EBPL: variants seen among roughly 807,000 people sequenced by gnomAD.
EBPL encodes the protein EBP like.
EBPL carries 20 observed loss-of-function variants against 19.0 expected under a neutral mutation model. The ratio of observed to expected loss-of-function variants is 1.05; its 90% CI spans 0.74 to 1.53. EBPL has a LOEUF of 1.53. EBPL is among the 40% of genes most tolerant of loss of function. The pLI is 0.00. For synonymous variants in EBPL, 107 were observed against 117.0 expected (o/e 0.91, Z 0.55); for missense variants, 219 against 261.1 (o/e 0.84, Z 1.11).
chr13:49,680,844 C>CA (rs1953934874), intron 1 of EBPL, among the ~76,000 whole-genome samples: 2 of 151,656 alleles, frequency 1.3e-5, no homozygotes, highest in Non-Finnish European at 2.9e-5. Context: ...AAATACAAAA[C>CA]AAACAAAAAA....
intron 2 of EBPL, among the ~76,000 whole-genome samples, chr13:49,665,328 A>G (rs1363274203): frequency 2.0e-5 from 3 of 152,120 alleles, no homozygotes; most frequent in African/African-American, 7.2e-5. Context: ...CTGGAGTGCA[A>G]TGGCCAGATC....
chr13:49,679,214 C>G (rs1031241494), intron 1 of EBPL, among the ~76,000 whole-genome samples: 4 of 152,094 alleles, frequency 2.6e-5, no homozygotes, highest in African/African-American at 9.7e-5. Context: ...TCTTTCTTCT[C>G]CCTTAAAATT....
intron 2 of EBPL, among the ~76,000 whole-genome samples, chr13:49,667,976 G>A (rs1258621067): frequency 6.6e-6 from 1 of 152,206 alleles, no homozygotes; most frequent in Non-Finnish European, 1.5e-5. Context: ...CAGCAGGGAG[G>A]AGCCATGACT....
intron 3 of EBPL, chr13:49,662,054 C>A: frequency 1.2e-6 from 1 of 856,154 alleles, no homozygotes; most frequent in Admixed American, 2.1e-5. Flanking sequence ...AGTGCAGTGG[C>A]ACGAACGTGG....
At chr13:49,685,612 C>T (rs985809005) in intron 1 of EBPL, among the ~76,000 whole-genome samples, 4 of 152,138 alleles carry the variant, frequency 2.6e-5, no homozygotes, top group African/African-American at 7.2e-5. Flanking sequence ...TGGTGGCTCA[C>T]GCCTGTAATC....
chr13:49,684,763 G>A (rs1170713959), intron 1 of EBPL, among the ~76,000 whole-genome samples: 2 of 152,168 alleles, frequency 1.3e-5, no homozygotes, highest in African/African-American at 4.8e-5. Context: ...TTAAGAGACT[G>A]TAACAGAAGA....
At position 49,664,097 on chromosome 13, in the gene EBPL, C is replaced by G. The variant is rs552576138; in HGVS notation, c.242-902G>C. On this transcript the variant is annotated intron_variant, in intron 2 of 3. Transcript: ENST00000242827. ...CGAAACCGTGTCTCTACTAAAAATA[C>G]AAAAAGTAGCTGGGCGTGGTGGCGC... is the stretch of plus-strand genomic sequence containing the variant. Among the ~76,000 whole-genome samples the G allele has an allele frequency of 2.6e-5, 4 of 152,120 alleles. No homozygotes were observed. The East Asian group carries it at 7.7e-4, about 29-fold the overall frequency.
chr13:49,688,473 A>C (rs1018098356), intron 1 of EBPL, among the ~76,000 whole-genome samples: 1 of 152,158 alleles, frequency 6.6e-6, no homozygotes, highest in African/African-American at 2.4e-5. Context: ...TAATCCCAGC[A>C]CTTTGGAAGG....
intron 1 of EBPL, among the ~76,000 whole-genome samples, chr13:49,678,148 C>T (rs1402252281): frequency 6.6e-6 from 1 of 152,216 alleles, no homozygotes; most frequent in Non-Finnish European, 1.5e-5. Context: ...TGACAGGGTG[C>T]TGTTTGGTGC....
chr13:49,668,572 G>GA (rs562724684), intron 2 of EBPL: 4,872 of 320,154 alleles, frequency 0.015, 1 homozygote, highest in South Asian at 0.025. Context: ...AGACTCGCCT[G>GA]AAAAAAAAAA....
At position 49,661,045 on chromosome 13, in the gene EBPL, G is replaced by T. The variant is rs753503039; in HGVS notation, c.544C>A (p.Leu182Met). 1 of 1,614,130 alleles carries T rather than the reference G, an allele frequency of 6.2e-7. No homozygotes were observed. The change falls in exon 4 of 4, where the codon CTG becomes ATG. Residue 182 changes from leucine (L) to methionine (M), a missense_variant. Leu to Met is a conservative substitution (Grantham distance 15). Around this residue, in one of 2 missense-constraint regions of EBPL, gnomAD observed 49 missense variants for 94.1 expected, o/e 0.52. Transcript: ENST00000242827. The part of the protein sequence containing the change: ...FNGVWVLIPG[L>M]LLWQSWLELK... ...TCTAGCCATGACTGCCACAGTAGCA[G>T]TCCTGGGATCAGAACCCACACACCG...
chr13:49,684,751 CTT>C (rs1953980014), intron 1 of EBPL, among the ~76,000 whole-genome samples: 1 of 152,120 alleles, frequency 6.6e-6, no homozygotes, highest in South Asian at 2.1e-4. Flanking sequence ...TTGAAATAAA[CTT>C]TAAGAGACTG....
At chr13:49,669,747 T>A (rs377076298) in intron 2 of EBPL, 30 bp downstream of exon 2, 1 of 1,604,752 alleles carries the variant, frequency 6.2e-7, no homozygotes, top group Non-Finnish European at 8.5e-7. Flanking sequence ...TCCTCCAACA[T>A]TTCAAACGCA....
At chr13:49,670,974 A>G (rs1953809814) in intron 1 of EBPL, among the ~76,000 whole-genome samples, 1 of 152,128 alleles carries the variant, frequency 6.6e-6, no homozygotes, top group Non-Finnish European at 1.5e-5. Context: ...TCCCTGTTTT[A>G]TCTGTAACTG....
chr13:49,678,675 C>T (rs1429477526), intron 1 of EBPL, among the ~76,000 whole-genome samples: 1 of 151,996 alleles, frequency 6.6e-6, no homozygotes, highest in Non-Finnish European at 1.5e-5. Flanking sequence ...CCACACCTCT[C>T]CACAAGCAAA....
intron 2 of EBPL, among the ~76,000 whole-genome samples, chr13:49,664,012 G>C (rs1427981356): frequency 2.0e-5 from 3 of 152,214 alleles, no homozygotes; most frequent in Admixed American, 1.3e-4. Context: ...AGCACTTTGG[G>C]AGGCCAAGGT....
chr13:49,689,871 C>G (rs945967295), intron 1 of EBPL, among the ~76,000 whole-genome samples: 1 of 152,032 alleles, frequency 6.6e-6, no homozygotes, highest in South Asian at 2.1e-4. Flanking sequence ...CGGCTGGTGG[C>G]GGTGGCGGTG....
intron 2 of EBPL, among the ~76,000 whole-genome samples, chr13:49,669,318 A>G (rs1232993491): frequency 1.3e-5 from 2 of 152,158 alleles, no homozygotes; most frequent in Non-Finnish European, 2.9e-5. Context: ...CTCCCGCCTC[A>G]GCCTCCTGAG....
chr13:49,667,031 GCGTGTCTGAAT>G (rs1965239448), intron 2 of EBPL, among the ~76,000 whole-genome samples: 1 of 152,148 alleles, frequency 6.6e-6, no homozygotes, highest in Non-Finnish European at 1.5e-5. Context: ...CTGAGAGGTA[GCGTGTCTGAAT>G]CTACAGACAG....
Sources: allele counts gnomAD v4.1 joint callset (sites outside exome capture counted in the v4.1 genomes callset), GRCh38; gene constraint gnomAD v4.1.1; regional missense constraint gnomAD v4.1.1; transcripts MANE v1.5; gene names NCBI Gene and HGNC (gene_info 2026-07-23, HGNC 2026-07-21).